Variants in SGCZ observed in about 807,000 individuals in gnomAD.
SGCZ encodes the protein sarcoglycan zeta, also known as zeta-sarcoglycan.
Under a neutral mutation model 41.3 loss-of-function variants are expected in SGCZ, and 40 were observed. The ratio of observed to expected loss-of-function variants is 0.97; its 90% CI spans 0.75 to 1.26. The LOEUF (loss-of-function observed/expected upper bound fraction) is 1.26, where lower values mean the gene tolerates loss of function less well. SGCZ is among the 50% of genes most tolerant of loss of function. The pLI is 0.00. For synonymous variants in SGCZ, 206 were observed against 137.5 expected (o/e 1.50, Z -3.49); for missense variants, 552 against 369.8 (o/e 1.49, Z -4.04).
intron 1 of SGCZ, among the ~76,000 whole-genome samples, chr8:15,045,289 T>C (rs1804262464): frequency 1.3e-5 from 2 of 152,034 alleles, no homozygotes; most frequent in Non-Finnish European, 1.5e-5. Context: ...ACAGAGCTGA[T>C]GAAAACTTAG....
intron 1 of SGCZ, among the ~76,000 whole-genome samples, chr8:14,683,566 A>G (rs1024100170): frequency 1.3e-5 from 2 of 152,194 alleles, no homozygotes; most frequent in African/African-American, 4.8e-5. Context: ...ATTAATCATT[A>G]GAAAACAGTT....
chr8:14,192,041 T>A (rs1185814223), intron 4 of SGCZ, among the ~76,000 whole-genome samples: 1 of 152,086 alleles, frequency 6.6e-6, no homozygotes, highest in Non-Finnish European at 1.5e-5. Flanking sequence ...TAATACAAAA[T>A]TCTTATGACC....
intron 1 of SGCZ, among the ~76,000 whole-genome samples, chr8:14,810,285 A>G (rs1801700684): frequency 6.6e-6 from 1 of 152,068 alleles, no homozygotes. Context: ...CTTTAAATCA[A>G]ATTGTGTTTG....
At chr8:14,648,189 T>A (rs1402137575) in intron 1 of SGCZ, among the ~76,000 whole-genome samples, 1 of 152,130 alleles carries the variant, frequency 6.6e-6, no homozygotes, top group African/African-American at 2.4e-5. Flanking sequence ...AAAATCATAA[T>A]AATTCAAAAT....
chr8:14,485,715 T>C (rs774798602), intron 2 of SGCZ, among the ~76,000 whole-genome samples: 14 of 152,306 alleles, frequency 9.2e-5, no homozygotes, highest in Admixed American at 6.5e-4. Context: ...AGTAATCTAA[T>C]TGGTCTATCT....
intron 6 of SGCZ, among the ~76,000 whole-genome samples, chr8:14,104,510 G>C (rs1246869250): frequency 6.6e-6 from 1 of 151,988 alleles, no homozygotes; most frequent in Non-Finnish European, 1.5e-5. Flanking sequence ...AACAACCTAA[G>C]TTGCAAGAGG....
chr8:14,172,172 C>A (rs1804402738), intron 4 of SGCZ, among the ~76,000 whole-genome samples: 1 of 152,072 alleles, frequency 6.6e-6, no homozygotes, highest in Non-Finnish European at 1.5e-5. Flanking sequence ...GAATAATCTT[C>A]CAAATTCCAC....
chr8:14,811,033 T>C (rs995309867), intron 1 of SGCZ, among the ~76,000 whole-genome samples: 1 of 152,034 alleles, frequency 6.6e-6, no homozygotes, highest in Non-Finnish European at 1.5e-5. Flanking sequence ...AATTTCTAGA[T>C]TAACTGTAGT....
chr8:14,519,434 T>A (rs1802722474), intron 2 of SGCZ, among the ~76,000 whole-genome samples: 1 of 152,152 alleles, frequency 6.6e-6, no homozygotes, highest in South Asian at 2.1e-4. Flanking sequence ...TATTTCTAAT[T>A]AACTCTCTAC....
chr8:14,675,066 GT>G (rs1585173337), intron 1 of SGCZ, among the ~76,000 whole-genome samples: 1 of 149,128 alleles, frequency 6.7e-6, no homozygotes, highest in East Asian at 2.1e-4. Flanking sequence ...AGCCTCAGGA[GT>G]TGCTGGGACT....
At chr8:14,278,502 T>C (rs904378704) in intron 3 of SGCZ, among the ~76,000 whole-genome samples, 1 of 151,898 alleles carries the variant, frequency 6.6e-6, no homozygotes, top group East Asian at 1.9e-4. Flanking sequence ...AGATGATGAG[T>C]TTTTAGGATT....
At chr8:14,518,012 T>G (rs1563381015) in intron 2 of SGCZ, among the ~76,000 whole-genome samples, 1 of 151,856 alleles carries the variant, frequency 6.6e-6, no homozygotes, top group Non-Finnish European at 1.5e-5. Flanking sequence ...GTATTTTGAT[T>G]TTTTTATATT....
chr8:14,439,471 G>C (rs1356161347), intron 2 of SGCZ, among the ~76,000 whole-genome samples: 1 of 151,474 alleles, frequency 6.6e-6, no homozygotes, highest in Admixed American at 6.6e-5. Context: ...ATCAGACCAA[G>C]ACAGTACAAA....
chr8:14,400,399 A>G (rs1799038509), intron 2 of SGCZ, among the ~76,000 whole-genome samples: 1 of 152,086 alleles, frequency 6.6e-6, no homozygotes, highest in Non-Finnish European at 1.5e-5. Flanking sequence ...GTAGCTATTC[A>G]CAAAGTTGCT....
At chr8:14,670,398 C>T (rs992591398) in intron 1 of SGCZ, among the ~76,000 whole-genome samples, 1 of 152,116 alleles carries the variant, frequency 6.6e-6, no homozygotes, top group African/African-American at 2.4e-5. Context: ...TTATTGCTAT[C>T]AGTTTATCAT....
At chr8:14,876,957 C>G (rs559460442) in intron 1 of SGCZ, among the ~76,000 whole-genome samples, 4 of 152,052 alleles carry the variant, frequency 2.6e-5, no homozygotes, top group Non-Finnish European at 5.9e-5. Flanking sequence ...AGTGGACCTA[C>G]CACTCTAAGA....
chr8:14,990,195 G>A (rs184573687), intron 1 of SGCZ, among the ~76,000 whole-genome samples: 10 of 152,174 alleles, frequency 6.6e-5, no homozygotes, highest in Non-Finnish European at 1.0e-4. Flanking sequence ...TCAAAGCCTC[G>A]TGCTTAGAGT....
intron 1 of SGCZ, among the ~76,000 whole-genome samples, chr8:14,784,920 A>G (rs1470223908): frequency 9.7e-6 from 1 of 102,590 alleles, no homozygotes; most frequent in Non-Finnish European, 1.9e-5. Flanking sequence ...AAAAATATAT[A>G]TATATATATA....
intron 1 of SGCZ, among the ~76,000 whole-genome samples, chr8:14,784,982 T>C: frequency 7.0e-6 from 1 of 142,518 alleles, no homozygotes; most frequent in African/African-American, 2.6e-5. Context: ...ATATATTTTT[T>C]ATATATTATA....
Sources: allele counts gnomAD v4.1 joint callset (sites outside exome capture counted in the v4.1 genomes callset), GRCh38; gene constraint gnomAD v4.1.1; transcripts MANE v1.5; gene names NCBI Gene and HGNC (gene_info 2026-07-23, HGNC 2026-07-21).